HTATSF1: variants seen among roughly 807,000 people sequenced by gnomAD.
HTATSF1 encodes the protein HIV-1 Tat specific factor 1.
In HTATSF1, 6 loss-of-function variants were observed where a neutral mutation model predicts 46.1. The observed-to-expected ratio is 0.13, with a 90% CI of 0.07 to 0.26. The LOEUF is 0.26. Among genes scored for constraint, HTATSF1 ranks in the 10% least tolerant of loss-of-function variants. HTATSF1 has a pLI of 1.00. For synonymous variants in HTATSF1, 226 were observed against 211.5 expected, an observed-to-expected ratio of 1.07 and a Z score of -0.60; for missense variants, 452 against 559.9, an observed-to-expected ratio of 0.81 and a Z score of 1.94.
chrX:136,508,791 G>T (rs750000132), intron 6 of HTATSF1, among the ~76,000 whole-genome samples: 117 of 112,664 alleles, frequency 1.0e-3, no homozygotes, highest in African/African-American at 3.7e-3. Flanking sequence ...CAGTCTGACT[G>T]AATATGCGCC....
chrX:136,511,374 C>T lies in HTATSF1; in HGVS notation c.1629C>T (p.Asp543=). The change falls in exon 9 of 9, where the codon GAC becomes GAT. Residue 543 remains aspartate (D), a synonymous_variant. Transcript: ENST00000218364. ...VGPTKESEED[D]SEKESDEDCS... is the part of the protein sequence containing the mutation. ...CCACAAAAGAGTCCGAAGAAGATGA[C>T]TCAGAGAAAGAGTCTGATGAAGACT... The T allele has an allele frequency of 8.3e-7, 1 of 1,209,652 alleles. No homozygotes were observed. The highest frequency in any genetic ancestry group is 1.8e-5 in the South Asian group (1 of 56,318).
rs191859145 is a variant in HTATSF1 at position 136,505,743 on chromosome X, C to T, written c.834+1280C>T. On this transcript the variant is annotated intron_variant, in intron 6 of 8. Transcript: ENST00000218364. ...GTAGGCAGAGGTTATGGTAAGATCG[C>T]GCCACTGCACTCCAGCCTGGGCAAC... Among the ~76,000 whole-genome samples, 4 of 111,177 alleles carry T rather than the reference C, an allele frequency of 3.6e-5. No homozygotes were observed. The East Asian group carries it at 1.1e-3, about 31-fold the overall frequency.
At position 136,511,068 on chromosome X, in the gene HTATSF1, A is replaced by G; in HGVS notation, c.1323A>G (p.Glu441=). Residue 441 remains glutamate (E), a synonymous_variant, in exon 9 of 9, where the codon GAA becomes GAG. Coordinates refer to ENST00000218364, the MANE Select transcript of HTATSF1 (RefSeq NM_014500.5). ...FEKTEDGGEF[E]EGASENNAKE... ...AGACAGAAGATGGGGGAGAATTTGA[A>G]GAAGGTGCTTCTGAAAACAATGCTA... 4 of 1,211,883 alleles carry G rather than the reference A, an allele frequency of 3.3e-6. No homozygotes were observed. Among genetic ancestry groups the G allele is most frequent in the Non-Finnish European group, 4.5e-6 (4 of 895,525 alleles).
chrX:136,505,759 C>T (rs1016955265), intron 6 of HTATSF1, among the ~76,000 whole-genome samples: 1 of 111,267 alleles, frequency 9.0e-6, no homozygotes, highest in African/African-American at 3.3e-5. Context: ...TGCACTCCAG[C>T]CTGGGCAACG....
At position 136,511,157 on chromosome X, in the gene HTATSF1, G is replaced by T. The variant is rs41312761; in HGVS notation, c.1412G>T (p.Cys471Phe). ...GCPEKESEEG[C>F]PKRGFEGSCS... ...CCTGAAAAAGAATCTGAAGAGGGCT[G>T]CCCCAAAAGAGGGTTTGAAGGCAGC... The change falls in exon 9 of 9, where the codon TGC becomes TTC. Residue 471 changes from cysteine (C) to phenylalanine (F), a missense_variant. Coordinates refer to ENST00000218364, the MANE Select transcript of HTATSF1 (RefSeq NM_014500.5). 3.6e-3 allele frequency: 4,382 copies of T among 1,205,537 alleles called. 8 individuals are homozygous for T. The highest frequency in any genetic ancestry group is 4.6e-3 in the Non-Finnish European group (4,078 of 894,113).
chrX:136,497,580 C>G (rs746746207), upstream of HTATSF1: 11 of 665,890 alleles, frequency 1.7e-5, no homozygotes, highest in Non-Finnish European at 2.3e-5. Context: ...CGGGGGGCGG[C>G]GGGGCGCGAG....
chrX:136,502,729 G>C (rs755169863), intron 4 of HTATSF1, 49 bp from the exon 5 acceptor site: 1 of 850,282 alleles, frequency 1.2e-6, no homozygotes, highest in East Asian at 3.7e-5. Context: ...AACTCCTGAA[G>C]TTTTATTTCG....
intron 4 of HTATSF1, among the ~76,000 whole-genome samples, chrX:136,502,054 T>A (rs2075720674): frequency 9.0e-6 from 1 of 111,560 alleles, no homozygotes; most frequent in Non-Finnish European, 1.9e-5. Flanking sequence ...GCAGCTGAGT[T>A]CAGTTATCCA....
At chrX:136,502,630 T>C in intron 4 of HTATSF1, 148 bp from the exon 5 acceptor site, 1 of 227,708 alleles carries the variant, frequency 4.4e-6, no homozygotes, top group Non-Finnish European at 7.7e-6. Flanking sequence ...GAGTTCTTTA[T>C]CTCAAAGAGA....
chrX:136,502,726 G>T, intron 4 of HTATSF1, 52 bp from the exon 5 acceptor site: 1 of 811,907 alleles, frequency 1.2e-6, no homozygotes, highest in East Asian at 3.8e-5. Context: ...AAAAACTCCT[G>T]AAGTTTTATT....
At chrX:136,503,671 A>G (rs2075729451) in intron 5 of HTATSF1, among the ~76,000 whole-genome samples, 1 of 111,637 alleles carries the variant, frequency 9.0e-6, no homozygotes, top group Non-Finnish European at 1.9e-5. Context: ...TTATAATGAT[A>G]AAGTACCTAA....
rs2075772750 is a variant in HTATSF1, at chrX:136,512,179, T to G, written c.*166T>G. On this transcript the variant is annotated 3_prime_UTR_variant, in exon 9 of 9. Coordinates refer to ENST00000218364, the MANE Select transcript of HTATSF1 (RefSeq NM_014500.5). ...TGTACCTAATGGTTTTAAATATATG[T>G]TAATTGATTGTTTAGTTAAAATGTC... is the stretch of plus-strand genomic sequence containing the variant. The G allele has an allele frequency of 2.3e-6, 1 of 430,504 alleles. No individual in the cohort carries two copies. Among genetic ancestry groups the G allele is most frequent in the African/African-American group, 2.5e-5 (1 of 39,988 alleles). 35.5% of individuals were successfully genotyped at this position (430,504 alleles called of 1,213,427 possible). A position where few individuals can be genotyped will look rare whatever the true frequency, so the allele number is the denominator to read the frequency against.
rs761582448 is a variant in HTATSF1, at chrX:136,510,061, TTTTC to T, written c.925-14_925-11del. 81 of 1,186,888 alleles carry T rather than the reference TTTTC, an allele frequency of 6.8e-5. No homozygotes were observed. Among genetic ancestry groups the T allele is most frequent in the African/African-American group, 8.9e-5 (5 of 56,312 alleles). On this transcript the variant is annotated splice_polypyrimidine_tract_variant and intron_variant, in intron 7 of 8. Transcript: ENST00000218364. ...TTTAATCTTATCATTCATTCCTTTTTTTTCTTTCTTATCTTTCTAGAGGCACCCA... is the reference window on the plus strand; with the variant it reads ...TTTAATCTTATCATTCATTCCTTTTTTTTCTTATCTTTCTAGAGGCACCCA...
chrX:136,499,223 T>C (rs761617641), intron 1 of HTATSF1, among the ~76,000 whole-genome samples: 3 of 112,533 alleles, frequency 2.7e-5, no homozygotes, highest in Non-Finnish European at 5.6e-5. Context: ...TGACTGTTGG[T>C]TTTTATTGTT....
chrX:136,498,499 A>G (rs921768087), intron 1 of HTATSF1, among the ~76,000 whole-genome samples: 2 of 112,284 alleles, frequency 1.8e-5, no homozygotes, highest in African/African-American at 6.5e-5. Context: ...CTAATGTTAA[A>G]CTTGATTCTG....
At position 136,508,467 on chromosome X, in the gene HTATSF1, G is replaced by A. The variant is rs1262931337; in HGVS notation, c.835-624G>A. ...AGCAGTACTTGAATGTTCTTAATAG[G>A]CTCATAGTTGCAAGAAAGCAACAGC... On this transcript the variant is annotated intron_variant, in intron 6 of 8. Transcript: ENST00000218364. Among the ~76,000 whole-genome samples the A allele has an allele frequency of 3.6e-5, 4 of 112,050 alleles. No homozygotes were observed. The East Asian group carries it at 8.4e-4, about 23-fold the overall frequency.
chrX:136,510,325 A>G (rs1032258138), intron 8 of HTATSF1, 106 bp downstream of exon 8: 2 of 577,139 alleles, frequency 3.5e-6, no homozygotes, highest in Non-Finnish European at 2.5e-6. Flanking sequence ...TAATGTAACA[A>G]TGCTTCTTTT....
intron 4 of HTATSF1, 35 bp downstream of exon 4, chrX:136,500,853 T>C (rs1168971971): frequency 2.0e-6 from 2 of 985,659 alleles, no homozygotes; most frequent in East Asian, 6.9e-5. Context: ...TCTTGTATCT[T>C]CGTTTTTAAC....
intron 2 of HTATSF1, 38 bp from the exon 3 acceptor site, chrX:136,500,120 G>T: frequency 1.2e-6 from 1 of 866,187 alleles, no homozygotes; most frequent in Non-Finnish European, 1.7e-6. Context: ...ATCTTTTTTT[G>T]CAAGTGTTTT....
Sources: allele counts gnomAD v4.1 joint callset (sites outside exome capture counted in the v4.1 genomes callset), GRCh38; gene constraint gnomAD v4.1.1; transcripts MANE v1.5; gene names NCBI Gene and HGNC (gene_info 2026-07-23, HGNC 2026-07-21).